HAPLN4: variants seen among roughly 807,000 people sequenced by gnomAD.
HAPLN4 encodes hyaluronan and proteoglycan link protein 4, also known as brain link protein 2.
A neutral mutation model predicts 28.0 loss-of-function variants in HAPLN4; 19 were observed. The ratio of observed to expected loss-of-function variants is 0.68; its 90% CI spans 0.47 to 1.00. The LOEUF (loss-of-function observed/expected upper bound fraction) is 1.00. HAPLN4 is among the 50% of genes least tolerant of loss of function. The pLI, the probability that HAPLN4 is intolerant of heterozygous loss-of-function variation, is 0.00. For synonymous variants in HAPLN4, 274 were observed against 273.0 expected (o/e 1.00, Z -0.03); for missense variants, 587 against 602.6 (o/e 0.97, Z 0.27).
intron 3 of HAPLN4, among the ~76,000 whole-genome samples, chr19:19,259,403 G>T (rs944554351): frequency 6.6e-6 from 1 of 152,182 alleles, no homozygotes. Context: ...TTTGGAACTT[G>T]TCCCTCATTG....
rs1419601460 is a variant in HAPLN4, at chr19:19,255,800, C to T, written c.*2017G>A. ...TGAGCAAGAAGAGGCAGAATTCAAA[C>T]CCAAACCGACCTGGTCCCAAAACTC... On this transcript the variant is annotated 3_prime_UTR_variant, in exon 5 of 5. Coordinates refer to ENST00000291481, the MANE Select transcript of HAPLN4 (RefSeq NM_023002.3). 1 of 152,214 alleles carries T rather than the reference C, an allele frequency of 6.6e-6. No individual in the cohort carries two copies. The highest frequency in any genetic ancestry group is 1.5e-5 in the Non-Finnish European group (1 of 68,048). The allele number at this position is 152,214 out of a possible 1,614,324, so 9.4% of individuals were successfully genotyped here. A position where few individuals can be genotyped will look rare whatever the true frequency, so the allele number is the denominator to read the frequency against.
chr19:19,262,704 C>T (rs753449731), intron 1 of HAPLN4, 26 bp downstream of exon 1: 96 of 1,612,050 alleles, frequency 6.0e-5, no homozygotes, highest in Non-Finnish European at 7.6e-5. Flanking sequence ...GGGGCACACA[C>T]CACCCGCGCC....
Position 19,258,783 on chromosome 19 carries a change from G to T in HAPLN4, c.557C>A (p.Ala186Asp). Reference protein sequence around the residue: ...LTFAEAQRACAEQDGILASAE... With the variant: ...LTFAEAQRACDEQDGILASAE... ...AGATGCCAGGATGCCGTCCTGCTCG[G>T]CGCACGCGCGCTGCGCCTCCGCGAA... is the stretch of plus-strand genomic sequence containing the variant. The change falls in exon 4 of 5, where the codon GCC becomes GAC. Residue 186 changes from alanine to aspartate, a missense_variant. Ala to Asp is a moderately radical substitution (Grantham distance 126). Coordinates refer to ENST00000291481, the MANE Select transcript of HAPLN4 (RefSeq NM_023002.3). The surrounding 1 kb of genome is among the most constrained non-coding windows in gnomAD (Gnocchi z 6.2). The T allele has an allele frequency of 6.3e-7, 1 of 1,599,586 alleles. No homozygotes were observed. Among genetic ancestry groups the T allele is most frequent in the African/African-American group, 1.3e-5 (1 of 74,710 alleles).
chr19:19,257,722 C>T lies in HAPLN4; in HGVS notation c.*95G>A. The T allele has an allele frequency of 7.6e-7, 1 of 1,315,036 alleles. No homozygotes were observed. Among genetic ancestry groups the T allele is most frequent in the Non-Finnish European group, 9.7e-7 (1 of 1,026,154 alleles). The allele number at this position is 1,315,036 out of a possible 1,614,324, so 81.5% of individuals were successfully genotyped here. On this transcript the variant is annotated 3_prime_UTR_variant, in exon 5 of 5. Coordinates refer to ENST00000291481, the MANE Select transcript of HAPLN4 (RefSeq NM_023002.3). ...TGTAAGGGACCACAGGGAATGTGGC[C>T]AGTGTCCAGGGCTTCAAGGGCGTGG...
chr19:19,259,750 T>C (rs944535453), intron 3 of HAPLN4, among the ~76,000 whole-genome samples: 1 of 152,160 alleles, frequency 6.6e-6, no homozygotes, highest in Non-Finnish European at 1.5e-5. Flanking sequence ...TGTTATTTGT[T>C]ATTGTTAGGG....
At position 19,257,164 on chromosome 19, in the gene HAPLN4, G is replaced by A. The variant is rs2060968006; in HGVS notation, c.*653C>T. The A allele has an allele frequency of 6.6e-6, 1 of 152,204 alleles. No homozygotes were observed. The highest frequency in any genetic ancestry group is 1.5e-5 in the Non-Finnish European group (1 of 68,100). 9.4% of individuals were successfully genotyped at this position (152,204 alleles called of 1,614,324 possible). A position where few individuals can be genotyped will look rare whatever the true frequency, so the allele number is the denominator to read the frequency against. On this transcript the variant is annotated 3_prime_UTR_variant, in exon 5 of 5. Coordinates refer to ENST00000291481, the MANE Select transcript of HAPLN4 (RefSeq NM_023002.3). ...GGGGGTGCTCGCCCATGAAACTAGAGGGGTGTGCCCTGTTACCCAGAAACT... is the reference window on the plus strand; with the variant it reads ...GGGGGTGCTCGCCCATGAAACTAGAAGGGTGTGCCCTGTTACCCAGAAACT...
Position 19,257,759 on chromosome 19 carries a change from G to A in HAPLN4, c.*58C>T. 1 of 1,370,540 alleles carries A rather than the reference G, an allele frequency of 7.3e-7. No individual in the cohort carries two copies. The highest frequency in any genetic ancestry group is 9.4e-7 in the Non-Finnish European group (1 of 1,067,698). The allele number at this position is 1,370,540 out of a possible 1,614,324, so 84.9% of individuals were successfully genotyped here. A position where few individuals can be genotyped will look rare whatever the true frequency, so the allele number is the denominator to read the frequency against. On this transcript the variant is annotated 3_prime_UTR_variant, in exon 5 of 5. Transcript: ENST00000291481. Reference sequence around the variant, plus strand: ...CTTCAAGGGCGTGGCCAGGCTCCAGGGGACCACAGGGCTCTAGACCAGTGG... The same window carrying A: ...CTTCAAGGGCGTGGCCAGGCTCCAGAGGACCACAGGGCTCTAGACCAGTGG...
rs746910575 is a variant in HAPLN4 at position 19,258,244 on chromosome 19, G to A, written c.818-36C>T. 2.8e-6 allele frequency: 4 copies of A among 1,451,698 alleles called. No homozygotes were observed. The East Asian group carries it at 7.6e-5, about 27-fold the overall frequency. The allele number at this position is 1,451,698 out of a possible 1,614,324, so 89.9% of individuals were successfully genotyped here. On this transcript the variant is annotated intron_variant, in intron 4 of 4. Transcript: ENST00000291481. This position sits in a 1 kb window ranked among gnomAD's most constrained non-coding sequence, Gnocchi z 6.2. ...GAGGTGGGGGGTGGGTTATTAGTGC[G>A]GCTCCTGGGACCCTGCTTCGGTGGG... is the stretch of plus-strand genomic sequence containing the variant.
Position 19,258,076 on chromosome 19 carries a change from C to T in HAPLN4, c.950G>A (p.Arg317His), listed in dbSNP as rs1319928850. ...ATCGGCCAGCCAACCCGCGGTGCAG[C>T]GGTCTAGCAGCTGCAGCTTCCACGC... ...FAAWKLQLLD[R>H]CTAGWLADGS... The change falls in exon 5 of 5, where the codon CGC (arginine) becomes CAC (histidine). Residue 317 changes from arginine to histidine, a missense_variant. Coordinates refer to ENST00000291481, the MANE Select transcript of HAPLN4 (RefSeq NM_023002.3). This position sits in a 1 kb window ranked among gnomAD's most constrained non-coding sequence, Gnocchi z 6.2. 1 of 1,555,246 alleles carries T rather than the reference C, an allele frequency of 6.4e-7. No individual in the cohort carries two copies. Among genetic ancestry groups the T allele is most frequent in the Non-Finnish European group, 8.6e-7 (1 of 1,157,508 alleles).
chr19:19,257,630 G>A lies in HAPLN4; in HGVS notation c.*187C>T. 1.7e-6 allele frequency: 1 copy of A among 587,628 alleles called. No homozygotes were observed. Among genetic ancestry groups the A allele is most frequent in the African/African-American group, 1.9e-5 (1 of 51,468 alleles). The allele number at this position is 587,628 out of a possible 1,614,324, so 36.4% of individuals were successfully genotyped here. ...AGAGGTGAGGGCTGGCCAGGCTCCA[G>A]GGAACTCCAAAGTACTGTTCTGCCA... On this transcript the variant is annotated 3_prime_UTR_variant, in exon 5 of 5. Coordinates refer to ENST00000291481, the MANE Select transcript of HAPLN4 (RefSeq NM_023002.3).
Position 19,261,006 on chromosome 19 carries a change from G to T in HAPLN4, c.291C>A (p.Asp97Glu). Residue 97 changes from aspartate to glutamate, a missense_variant, in exon 3 of 5, where the codon GAC becomes GAA. Transcript: ENST00000291481. ...GCTGGGGGCCTAGTGCCACGAAGAC[G>T]TCGGTGAAGGCCAGCGGGTCCACCA... ...TKVVDPLAFT[D>E]VFVALGPQHR... The T allele has an allele frequency of 6.2e-7, 1 of 1,613,718 alleles. No individual in the cohort carries two copies. The highest frequency in any genetic ancestry group is 2.2e-5 in the East Asian group (1 of 44,880).
rs531363182 is a variant in HAPLN4 at position 19,256,767 on chromosome 19, G to C, written c.*1050C>G. 6 of 152,916 alleles carry C rather than the reference G, an allele frequency of 3.9e-5. No individual in the cohort carries two copies. The East Asian group carries it at 9.7e-4, about 25-fold the overall frequency. 9.5% of individuals were successfully genotyped at this position (152,916 alleles called of 1,614,324 possible). On this transcript the variant is annotated 3_prime_UTR_variant, in exon 5 of 5. Coordinates refer to ENST00000291481, the MANE Select transcript of HAPLN4 (RefSeq NM_023002.3). ...GTCAGGGTAGGGACAGCCAGAAGTT[G>C]AGGTGGAGGTCTCTGGGGTGGGGGC...
At chr19:19,260,682 A>C (rs2060979647) in intron 3 of HAPLN4, 131 bp downstream of exon 3, 1 of 1,088,004 alleles carries the variant, frequency 9.2e-7, no homozygotes, top group Admixed American at 2.2e-5. Flanking sequence ...ACCCAGAACC[A>C]GATATGGGGG....
rs1186587695 is a variant in HAPLN4, at chr19:19,255,957, C to T, written c.*1860G>A. 1 of 152,322 alleles carries T rather than the reference C, an allele frequency of 6.6e-6. No homozygotes were observed. Among genetic ancestry groups the T allele is most frequent in the African/African-American group, 2.4e-5 (1 of 41,478 alleles). The allele number at this position is 152,322 out of a possible 1,614,324, so 9.4% of individuals were successfully genotyped here. On this transcript the variant is annotated 3_prime_UTR_variant, in exon 5 of 5. Coordinates refer to ENST00000291481, the MANE Select transcript of HAPLN4 (RefSeq NM_023002.3). Reference sequence around the variant, plus strand: ...GCCTTGTCCATGGATCATGTCCCCCCAGCTGCCTGTCAACGCCGAGGACTT... The same window carrying T: ...GCCTTGTCCATGGATCATGTCCCCCTAGCTGCCTGTCAACGCCGAGGACTT...
At position 19,257,799 on chromosome 19, in the gene HAPLN4, T is replaced by C; in HGVS notation, c.*18A>G. 7.2e-7 allele frequency: 1 copy of C among 1,392,976 alleles called. No homozygotes were observed. Among genetic ancestry groups the C allele is most frequent in the Non-Finnish European group, 9.2e-7 (1 of 1,081,140 alleles). The allele number at this position is 1,392,976 out of a possible 1,614,324, so 86.3% of individuals were successfully genotyped here. A position where few individuals can be genotyped will look rare whatever the true frequency, so the allele number is the denominator to read the frequency against. On this transcript the variant is annotated 3_prime_UTR_variant, in exon 5 of 5. Coordinates refer to ENST00000291481, the MANE Select transcript of HAPLN4 (RefSeq NM_023002.3). ...TAGACCAGTGGTCAAGCGCCCTGGC[T>C]GTCCGCCTACTCCCAGCCTAGACGT...
rs777095051 is a variant in HAPLN4, at chr19:19,258,743, G to T, written c.597C>A (p.His199Gln). Residue 199 changes from histidine (H) to glutamine (Q), a missense_variant, in exon 4 of 5, where the codon CAC becomes CAA. His to Gln is a conservative substitution (Grantham distance 24, BLOSUM62 0). Transcript: ENST00000291481. This position sits in a 1 kb window ranked among gnomAD's most constrained non-coding sequence, Gnocchi z 6.2. ...DGILASAEQL[H>Q]AAWRDGLDWC... ...AGTCCAGGCCGTCGCGCCAGGCCGCGTGCAGCTGTTCTGCAGATGCCAGGA... is the reference window on the plus strand; with the variant it reads ...AGTCCAGGCCGTCGCGCCAGGCCGCTTGCAGCTGTTCTGCAGATGCCAGGA... The T allele has an allele frequency of 1.3e-5, 21 of 1,603,238 alleles. No homozygotes were observed. The highest frequency in any genetic ancestry group is 3.4e-5 in the Admixed American group (2 of 58,958).
At chr19:19,260,750 C>T in intron 3 of HAPLN4, 63 bp downstream of exon 3, 2 of 1,558,050 alleles carry the variant, frequency 1.3e-6, no homozygotes, top group Non-Finnish European at 1.7e-6. Flanking sequence ...GTTTATGTCC[C>T]TTGCCATCCC....
rs759165270 is a variant in HAPLN4 at position 19,258,054 on chromosome 19, G to T, written c.972C>A (p.Ala324=). ...CGATGGGGTAGCGCGCACTGCCATCGGCCAGCCAACCCGCGGTGCAGCGGT... is the reference window on the plus strand; with the variant it reads ...CGATGGGGTAGCGCGCACTGCCATCTGCCAGCCAACCCGCGGTGCAGCGGT... ...LLDRCTAGWL[A]DGSARYPIVN... Residue 324 remains alanine (A), a synonymous_variant, in exon 5 of 5, where the codon GCC becomes GCA. Transcript: ENST00000291481. The surrounding 1 kb of genome is among the most constrained non-coding windows in gnomAD (Gnocchi z 6.2). 21 of 1,550,950 alleles carry T rather than the reference G, an allele frequency of 1.4e-5. No individual in the cohort carries two copies. The highest frequency in any genetic ancestry group is 1.7e-5 in the Non-Finnish European group (20 of 1,154,664).
chr19:19,258,633 G>T lies in HAPLN4; in HGVS notation c.707C>A (p.Thr236Asn). Reference protein sequence around the residue: ...PREPCGGLGGTGSAGGGGDAN... With the variant: ...PREPCGGLGGNGSAGGGGDAN... ...ATCACCGCCGCCCCCTGCACTCCCG[G>T]TCCCCCCCAGGCCGCCGCAGGGCTC... Residue 236 changes from threonine to asparagine, a missense_variant, in exon 4 of 5, where the codon ACC becomes AAC. Transcript: ENST00000291481. This position sits in a 1 kb window ranked among gnomAD's most constrained non-coding sequence, Gnocchi z 6.2. 2 of 1,612,304 alleles carry T rather than the reference G, an allele frequency of 1.2e-6. No homozygotes were observed. Among genetic ancestry groups the T allele is most frequent in the Non-Finnish European group, 8.5e-7 (1 of 1,179,326 alleles).
Sources: allele counts gnomAD v4.1 joint callset (sites outside exome capture counted in the v4.1 genomes callset), GRCh38; gene constraint gnomAD v4.1.1; non-coding constraint Gnocchi (gnomAD v3.1); transcripts MANE v1.5; gene names NCBI Gene and HGNC (gene_info 2026-07-23, HGNC 2026-07-21).